The following PLEKHA7 variants were observed in gnomAD, a reference collection of about 807,000 sequenced individuals.
PLEKHA7 encodes pleckstrin homology domain containing A7.
In PLEKHA7, 104 loss-of-function variants were observed where a neutral mutation model predicts 170.0. The ratio of observed to expected loss-of-function variants is 0.61; its 90% confidence interval spans 0.52 to 0.72. The LOEUF (loss-of-function observed/expected upper bound fraction) is 0.72. PLEKHA7 is among the 30% of genes least tolerant of loss of function. The pLI, the probability that PLEKHA7 is intolerant of heterozygous loss-of-function variation, is 0.00. For missense variants in PLEKHA7, 1,615 were observed against 1,671.7 expected (o/e 0.97, Z 0.59); for synonymous variants, 648 against 660.8 (o/e 0.98, Z 0.30).
At chr11:16,968,641 A>T (rs1298803155) in intron 3 of PLEKHA7, among the ~76,000 whole-genome samples, 6 of 152,094 alleles carry the variant, frequency 3.9e-5, no homozygotes, top group African/African-American at 1.4e-4. Context: ...GAAAAAAACA[A>T]TTTTTGCAGC....
At position 16,841,655 on chromosome 11, in the gene PLEKHA7, G is replaced by A. The variant is rs1851970548; in HGVS notation, c.764C>T (p.Ser255Leu). ...SSTAGSQAEQSGMRTYYFSAD... is the reference protein window; with the variant it reads ...SSTAGSQAEQLGMRTYYFSAD... ...ACTGAAGTAGTAGGTCCTCATGCCT[G>A]ACTGCTCGGCCTGAGAGCCCGCTGT... is the stretch of plus-strand genomic sequence containing the variant. The change falls in exon 9 of 27, where the codon TCA becomes TTA. Residue 255 changes from serine (S) to leucine (L), a missense_variant. Coordinates refer to ENST00000531066, the MANE Select transcript of PLEKHA7 (RefSeq NM_001329630.2). 13 of 1,614,192 alleles carry A rather than the reference G, an allele frequency of 8.1e-6. No homozygotes were observed. The highest frequency in any genetic ancestry group is 1.1e-5 in the Non-Finnish European group (13 of 1,180,038).
At chr11:16,820,505 A>T (rs1458738658) in intron 10 of PLEKHA7, among the ~76,000 whole-genome samples, 1 of 152,192 alleles carries the variant, frequency 6.6e-6, no homozygotes, top group Non-Finnish European at 1.5e-5. Context: ...TTAGACACAA[A>T]TGTGCCTCTG....
intron 13 of PLEKHA7, among the ~76,000 whole-genome samples, chr11:16,806,173 A>G (rs183358): frequency 0.82 from 125,296 of 152,234 alleles, 51,689 homozygotes; most frequent in South Asian, 0.87. Flanking sequence ...ATGTGAGCTG[A>G]CTCTGTCTCC....
At chr11:16,793,606 G>A (rs573566702) in intron 19 of PLEKHA7, among the ~76,000 whole-genome samples, 2 of 152,352 alleles carry the variant, frequency 1.3e-5, no homozygotes, top group East Asian at 1.9e-4. Context: ...GCCCCATTCC[G>A]AGGTCCACTC....
chr11:16,793,104 C>T (rs1847970372), intron 19 of PLEKHA7, among the ~76,000 whole-genome samples: 1 of 152,202 alleles, frequency 6.6e-6, no homozygotes, highest in African/African-American at 2.4e-5. Context: ...GCCTCTGTGA[C>T]CATCTACAAA....
intron 3 of PLEKHA7, among the ~76,000 whole-genome samples, chr11:16,995,595 G>GC (rs1227655035): frequency 1.3e-5 from 2 of 152,210 alleles, no homozygotes; most frequent in East Asian, 3.9e-4. Flanking sequence ...ATCGCCTGAA[G>GC]CATGTGGACA....
chr11:16,878,700 G>A (rs1456110479), intron 3 of PLEKHA7, among the ~76,000 whole-genome samples: 6 of 152,270 alleles, frequency 3.9e-5, no homozygotes, highest in South Asian at 2.1e-4. Context: ...GGTTCAAGGC[G>A]ATTCTCCCTC....
intron 3 of PLEKHA7, among the ~76,000 whole-genome samples, chr11:16,937,617 T>C (rs1006542436): frequency 6.7e-6 from 1 of 148,598 alleles, no homozygotes; most frequent in African/African-American, 2.5e-5. Context: ...TTTCTTTTCT[T>C]TTTTTTTTTA....
chr11:16,858,317 G>A (rs898132937), intron 4 of PLEKHA7, among the ~76,000 whole-genome samples: 14 of 152,200 alleles, frequency 9.2e-5, no homozygotes, highest in African/African-American at 2.2e-4. Context: ...CACTTTCTCC[G>A]TTAGTTTAAG....
chr11:16,780,983 A>G (rs942273703), intron 26 of PLEKHA7: 5 of 985,908 alleles, frequency 5.1e-6, no homozygotes, highest in African/African-American at 3.5e-5. Context: ...TCCGTTGGTA[A>G]AAGGGGGGTA....
chr11:17,012,399 G>A (rs1390369221), intron 3 of PLEKHA7, among the ~76,000 whole-genome samples: 1 of 152,082 alleles, frequency 6.6e-6, no homozygotes, highest in South Asian at 2.1e-4. Context: ...TGCCCTGGCT[G>A]TTCGCTCTTC....
At chr11:16,814,767 G>A (rs1276636866) in intron 12 of PLEKHA7, among the ~76,000 whole-genome samples, 1 of 152,184 alleles carries the variant, frequency 6.6e-6, no homozygotes, top group Non-Finnish European at 1.5e-5. Flanking sequence ...AAGACACTCT[G>A]TGAGGCAGCA....
At position 16,940,781 on chromosome 11, in the gene PLEKHA7, T is replaced by C. The variant is rs7932524; in HGVS notation, c.222-69599A>G. 1.5e-3 allele frequency among the ~76,000 whole-genome samples: 222 copies of C among 152,242 alleles called. 1 individual carries two copies. Among genetic ancestry groups the C allele is most frequent in the African/African-American group, 4.9e-3 (203 of 41,542 alleles). On this transcript the variant is annotated intron_variant, in intron 3 of 26. Transcript: ENST00000531066. ...AGTGCCTTTGTTTTTTCACTTTCCA[T>C]AGGCAAGTACAGAGTGGCAAACAAA...
In PLEKHA7 at chr11:16,789,868, C is replaced by T; in HGVS notation, c.3063G>A (p.Gly1021=). 1.9e-6 allele frequency: 3 copies of T among 1,613,996 alleles called. No individual in the cohort carries two copies. Among genetic ancestry groups the T allele is most frequent in the South Asian group, 1.1e-5 (1 of 91,090 alleles). ...ACGACTGCTGGAGCCTTGACGTGGA[C>T]CCTGAGAGCCCTTAGTGAGGAAAGA... ...YQTLPGRGLS[G]STSRLQQSST... is the part of the protein sequence containing the mutation. The change falls in exon 22 of 27, where the codon GGG becomes GGA. Residue 1021 remains glycine, a synonymous_variant. Transcript: ENST00000531066. This position sits in a 1 kb window ranked among gnomAD's most constrained non-coding sequence, Gnocchi z 4.6.
chr11:16,907,447 T>C (rs866767061), intron 3 of PLEKHA7, among the ~76,000 whole-genome samples: 2,407 of 83,480 alleles, frequency 0.029, 2 homozygotes, highest in Non-Finnish European at 0.044. Flanking sequence ...CGCCTCTGCC[T>C]GGCCGCCCCT....
chr11:16,859,021 C>A (rs1453686280), intron 4 of PLEKHA7, among the ~76,000 whole-genome samples: 1 of 152,282 alleles, frequency 6.6e-6, no homozygotes, highest in East Asian at 1.9e-4. Flanking sequence ...TGGTCTACAC[C>A]GCTCAAACAC....
At chr11:16,779,822 G>C (rs1236410674) in intron 26 of PLEKHA7, among the ~76,000 whole-genome samples, 1 of 152,158 alleles carries the variant, frequency 6.6e-6, no homozygotes, top group African/African-American at 2.4e-5. Context: ...ACCTAGAGCT[G>C]CTCGGGGCGG....
chr11:16,888,605 G>A (rs923664331), intron 3 of PLEKHA7, among the ~76,000 whole-genome samples: 24 of 152,310 alleles, frequency 1.6e-4, no homozygotes, highest in Non-Finnish European at 3.1e-4. Context: ...GATTAAGGGC[G>A]GTGCAAGATG....
chr11:16,868,702 G>A (rs1854590283), intron 4 of PLEKHA7, among the ~76,000 whole-genome samples: 1 of 152,226 alleles, frequency 6.6e-6, no homozygotes, highest in African/African-American at 2.4e-5. Flanking sequence ...CCTGAGACAA[G>A]CAGGTACCTC....
Sources: gnomAD v4.1 joint callset for allele counts (sites outside exome capture counted in the v4.1 genomes callset) on GRCh38, gnomAD v4.1.1 for gene constraint, Gnocchi (gnomAD v3.1) non-coding constraint, MANE v1.5 for transcripts, NCBI Gene and HGNC (gene_info 2026-07-23, HGNC 2026-07-21) for gene names.